CSMD1: variants seen among roughly 807,000 people sequenced by gnomAD.
CSMD1 encodes the protein CUB and sushi domain-containing protein 1.
Under a neutral mutation model 417.5 loss-of-function variants are expected in CSMD1, and 213 were observed. The observed-to-expected ratio is 0.51, with a 90% CI of 0.46 to 0.57. The LOEUF (loss-of-function observed/expected upper bound fraction) is 0.57, where lower values mean the gene tolerates loss of function less well. CSMD1 is among the 20% of genes least tolerant of loss of function. The pLI is 0.00. For synonymous variants in CSMD1, 2,862 were observed against 1,736.8 expected, an observed-to-expected ratio of 1.65 and a Z score of -16.11; for missense variants, 6,923 against 4,529.7, an observed-to-expected ratio of 1.53 and a Z score of -15.17.
Position 3,629,736 on chromosome 8 carries a change from T to C in CSMD1, c.1010-12939A>G, listed in dbSNP as rs567823407. ...CAGAAAGAATAAAGGTAAAACACTATATGCCAAAAGAAACACACACCTTTC... is the reference window on the plus strand; with the variant it reads ...CAGAAAGAATAAAGGTAAAACACTACATGCCAAAAGAAACACACACCTTTC... On this transcript the variant is annotated intron_variant, in intron 7 of 69. Coordinates refer to ENST00000635120, the MANE Select transcript of CSMD1 (RefSeq NM_033225.6). Among the ~76,000 whole-genome samples the C allele has an allele frequency of 2.8e-4, 8 of 28,282 alleles. No homozygotes were observed. The South Asian group carries it at 6.8e-3, about 24-fold the overall frequency. 18.6% of individuals were successfully genotyped at this position (28,282 alleles called of 152,430 possible). A position where few individuals can be genotyped will look rare whatever the true frequency, so the allele number is the denominator to read the frequency against.
At chr8:3,217,819 G>C (rs778259744) in intron 29 of CSMD1, among the ~76,000 whole-genome samples, 1 of 152,050 alleles carries the variant, frequency 6.6e-6, no homozygotes, top group Non-Finnish European at 1.5e-5. Context: ...AACAGTTCTG[G>C]TAATGAGGTA....
At chr8:3,372,236 G>C (rs775802284) in intron 18 of CSMD1, among the ~76,000 whole-genome samples, 74 of 152,228 alleles carry the variant, frequency 4.9e-4, no homozygotes, top group African/African-American at 1.7e-3. Context: ...GAACAATTTG[G>C]GTAGAGAGAA....
intron 6 of CSMD1, among the ~76,000 whole-genome samples, chr8:3,733,529 A>T (rs771357320): frequency 2.6e-5 from 4 of 152,090 alleles, no homozygotes; most frequent in Middle Eastern, 3.4e-3. Flanking sequence ...TCAACGAAAA[A>T]TTTCAGAAAA....
Position 4,111,499 on chromosome 8 carries a change from G to C in CSMD1, c.416-79400C>G, listed in dbSNP as rs1206557213. 2.0e-5 allele frequency among the ~76,000 whole-genome samples: 3 copies of C among 152,128 alleles called. No individual in the cohort carries two copies. The East Asian group carries it at 5.8e-4, about 29-fold the overall frequency. On this transcript the variant is annotated intron_variant, in intron 3 of 69. Transcript: ENST00000635120. ...GTTCATTGCAGCACTATCCACAATA[G>C]CAAAGACATGGAATCCACCCAAACG... is the stretch of plus-strand genomic sequence containing the variant.
At chr8:4,115,413 T>C (rs539063669) in intron 3 of CSMD1, among the ~76,000 whole-genome samples, 31 of 152,338 alleles carry the variant, frequency 2.0e-4, no homozygotes, top group Non-Finnish European at 3.4e-4. Context: ...CATATTCCTA[T>C]GATTCATTTT....
chr8:4,099,269 A>C (rs1193228679), intron 3 of CSMD1, among the ~76,000 whole-genome samples: 2 of 151,930 alleles, frequency 1.3e-5, no homozygotes, highest in Admixed American at 1.3e-4. Context: ...TTGTTCTGTT[A>C]CTTTCATCGC....
At chr8:4,036,751 A>G (rs1364563528) in intron 3 of CSMD1, among the ~76,000 whole-genome samples, 1 of 152,228 alleles carries the variant, frequency 6.6e-6, no homozygotes, top group Non-Finnish European at 1.5e-5. Context: ...ATTTTACACC[A>G]GGTCCTCAAA....
intron 2 of CSMD1, among the ~76,000 whole-genome samples, chr8:4,575,377 A>G (rs1799089513): frequency 6.6e-6 from 1 of 152,216 alleles, no homozygotes; most frequent in Non-Finnish European, 1.5e-5. Context: ...ATGAAAAGGA[A>G]GCTGGATTTT....
intron 3 of CSMD1, among the ~76,000 whole-genome samples, chr8:4,117,258 A>C (rs1023896988): frequency 6.6e-6 from 1 of 151,176 alleles, no homozygotes; most frequent in African/African-American, 2.4e-5. Context: ...TCTCATCTAT[A>C]ATCCCAAGGA....
At chr8:4,979,915 G>C (rs1810785417) in intron 1 of CSMD1, among the ~76,000 whole-genome samples, 2 of 152,074 alleles carry the variant, frequency 1.3e-5, no homozygotes, top group Admixed American at 6.5e-5. Flanking sequence ...GTGGGCGCCA[G>C]TACTCCCAGC....
chr8:3,240,851 G>A (rs1402869352), intron 26 of CSMD1, among the ~76,000 whole-genome samples: 4 of 152,126 alleles, frequency 2.6e-5, no homozygotes, highest in Non-Finnish European at 5.9e-5. Flanking sequence ...TCTAGAACAG[G>A]TAAAACGGGG....
intron 10 of CSMD1, among the ~76,000 whole-genome samples, chr8:3,499,638 G>A (rs1165376682): frequency 6.6e-6 from 1 of 151,922 alleles, no homozygotes; most frequent in African/African-American, 2.4e-5. Context: ...ATGCACTTTG[G>A]CTCCCCCTGT....
intron 6 of CSMD1, among the ~76,000 whole-genome samples, chr8:3,729,887 C>T (rs905513137): frequency 7.5e-6 from 1 of 133,448 alleles, no homozygotes; most frequent in Non-Finnish European, 1.5e-5. Context: ...ACTGTACTCC[C>T]CAAATCTACA....
intron 3 of CSMD1, among the ~76,000 whole-genome samples, chr8:4,055,717 A>T (rs1471261237): frequency 1.3e-5 from 2 of 152,196 alleles, no homozygotes; most frequent in Admixed American, 6.6e-5. Context: ...TATTAATTAC[A>T]AATAAAAACT....
chr8:4,499,475 G>C (rs2130271963), intron 2 of CSMD1, among the ~76,000 whole-genome samples: 1 of 152,312 alleles, frequency 6.6e-6, no homozygotes, highest in East Asian at 1.9e-4. Flanking sequence ...TGAAGGTCCT[G>C]CTTGGTAAAT....
intron 1 of CSMD1, among the ~76,000 whole-genome samples, chr8:4,679,199 C>T (rs984677401): frequency 6.6e-5 from 10 of 152,152 alleles, no homozygotes; most frequent in African/African-American, 2.4e-4. Flanking sequence ...TGGGAGCTGT[C>T]TTTGCAGGGC....
At chr8:4,904,424 C>T (rs555038719) in intron 1 of CSMD1, among the ~76,000 whole-genome samples, 4 of 152,100 alleles carry the variant, frequency 2.6e-5, no homozygotes, top group Admixed American at 2.6e-4. Flanking sequence ...TTATATCTCA[C>T]AAATAAAACT....
intron 5 of CSMD1, among the ~76,000 whole-genome samples, chr8:3,925,264 T>G (rs1342575713): frequency 2.0e-5 from 3 of 152,262 alleles, no homozygotes; most frequent in African/African-American, 4.8e-5. Flanking sequence ...TTGGGGAATG[T>G]GCTTCAGCGA....
intron 5 of CSMD1, among the ~76,000 whole-genome samples, chr8:3,885,071 T>A (rs2129123607): frequency 6.6e-6 from 1 of 152,178 alleles, no homozygotes. Context: ...ACCATGCTTA[T>A]AAAGCAAGTA....
Sources: gnomAD v4.1 joint callset for allele counts (sites outside exome capture counted in the v4.1 genomes callset) on GRCh38, gnomAD v4.1.1 for gene constraint, MANE v1.5 for transcripts, NCBI Gene and HGNC (gene_info 2026-07-23, HGNC 2026-07-21) for gene names.